Variants in CHD5 observed in about 807,000 individuals in gnomAD.
CHD5 encodes the protein chromodomain helicase DNA binding protein 5, also known as ATP-dependent chromatin remodeler CHD5.
A neutral mutation model predicts 230.3 loss-of-function variants in CHD5; 69 were observed. The observed-to-expected ratio is 0.30, with a 90% CI of 0.25 to 0.37. The LOEUF (loss-of-function observed/expected upper bound fraction) is 0.37, where lower values mean the gene tolerates loss of function less well. Ranked by LOEUF, CHD5 falls within the 10% of genes least tolerant of loss-of-function variation. CHD5 has a pLI of 1.00. For synonymous variants in CHD5, 1,064 were observed against 1,065.9 expected (o/e 1.00, Z 0.03); for missense variants, 1,827 against 2,622.8 (o/e 0.70, Z 6.63).
chr1:6,120,999 T>C lies in CHD5; in HGVS notation c.4912+106A>G, dbSNP rs962294128. On this transcript the variant is annotated intron_variant, in intron 33 of 41. Coordinates refer to ENST00000262450, the MANE Select transcript of CHD5 (RefSeq NM_015557.3). ...TGCAGAGGGTTGGAGTCTACCTCTC[T>C]GCCAGGGAGAAATGAGCGGAAGTAC... 4 of 1,327,546 alleles carry C rather than the reference T, an allele frequency of 3.0e-6. No individual in the cohort carries two copies. The African/African-American group carries it at 4.5e-5, about 15-fold the overall frequency. 82.2% of individuals were successfully genotyped at this position (1,327,546 alleles called of 1,614,324 possible).
intron 1 of CHD5, among the ~76,000 whole-genome samples, chr1:6,172,163 C>G (rs532551997): frequency 1.3e-5 from 2 of 152,184 alleles, no homozygotes; most frequent in Admixed American, 6.5e-5. Context: ...GCGGCCAGGC[C>G]GATGAGGTGG....
intron 1 of CHD5, among the ~76,000 whole-genome samples, chr1:6,173,845 G>A (rs902226759): frequency 6.6e-6 from 1 of 152,192 alleles, no homozygotes; most frequent in African/African-American, 2.4e-5. Flanking sequence ...CCCCCCATGA[G>A]ACAGGGCTTA....
rs1372580447 is a variant in CHD5 at position 6,125,059 on chromosome 1, G to A, written c.4394+41C>T. The A allele has an allele frequency of 1.3e-6, 2 of 1,513,342 alleles. No homozygotes were observed. The highest frequency in any genetic ancestry group is 2.1e-5 in the Admixed American group (1 of 47,768). The allele number at this position is 1,513,342 out of a possible 1,614,324, so 93.7% of individuals were successfully genotyped here. On this transcript the variant is annotated intron_variant, in intron 29 of 41. Transcript: ENST00000262450. This position sits in a 1 kb window ranked among gnomAD's most constrained non-coding sequence, Gnocchi z 6.7. ...CCCGCAGGACCCTGCCCTACTCAGG[G>A]GCAGGTGGTCACACCCTGGGCCACC...
chr1:6,119,866 T>TATA (rs1557540359), intron 33 of CHD5, among the ~76,000 whole-genome samples: 2 of 84,296 alleles, frequency 2.4e-5, no homozygotes, highest in Non-Finnish European at 4.7e-5. Context: ...ATATATATAT[T>TATA]TTTTTTTTTT....
intron 38 of CHD5, 61 bp from the exon 39 acceptor site, chr1:6,106,840 G>GTGGAAGGATGGAGGGA: frequency 8.3e-7 from 1 of 1,200,784 alleles, no homozygotes; most frequent in East Asian, 3.5e-5. Flanking sequence ...GGATGGAGGA[G>GTGGAAGGATGGAGGGA]TGGAAGGATG....
chr1:6,115,056 T>TA, intron 33 of CHD5, among the ~76,000 whole-genome samples: 1 of 151,218 alleles, frequency 6.6e-6, no homozygotes, highest in Middle Eastern at 3.5e-3. Flanking sequence ...CTCACGCCTG[T>TA]AATCCCAGCA....
rs1666600976 is a variant in CHD5, at chr1:6,128,546, C to T, written c.3683G>A (p.Gly1228Glu). 2 of 1,614,062 alleles carry T rather than the reference C, an allele frequency of 1.2e-6. No individual in the cohort carries two copies. Among genetic ancestry groups the T allele is most frequent in the Non-Finnish European group, 1.7e-6 (2 of 1,180,038 alleles). Residue 1228 changes from glycine (G) to glutamate (E), a missense_variant, in exon 24 of 42, where the codon GGG becomes GAG. By Grantham distance (98) the Gly-to-Glu change is moderately conservative. Around this residue, in one of 14 missense-constraint regions of CHD5, gnomAD observed 25 missense variants for 20.3 expected, o/e 1.23. Transcript: ENST00000262450. The surrounding 1 kb of genome is among the most constrained non-coding windows in gnomAD (Gnocchi z 7.8). ...PIPDVQSSKGGNLAASAKKKH... is the reference protein window; with the variant it reads ...PIPDVQSSKGENLAASAKKKH... ...CTTCTTTGCACTGGCGGCCAAGTTC[C>T]CCCCTTTGGAGGACTGGACATCAGG...
At chr1:6,145,958 C>A (rs894736089) in intron 11 of CHD5, among the ~76,000 whole-genome samples, 5 of 152,188 alleles carry the variant, frequency 3.3e-5, no homozygotes, top group Non-Finnish European at 7.4e-5. Context: ...AGGGTCCCGA[C>A]GCCCCAGGGG....
At position 6,112,979 on chromosome 1, in the gene CHD5, C is replaced by T. The variant is rs1280808963; in HGVS notation, c.4932G>A (p.Lys1644=). The T allele has an allele frequency of 1.2e-6, 2 of 1,613,638 alleles. No homozygotes were observed. Among genetic ancestry groups the T allele is most frequent in the Admixed American group, 3.3e-5 (2 of 60,000 alleles). Residue 1644 remains lysine, a synonymous_variant, in exon 34 of 42, where the codon AAG becomes AAA. Transcript: ENST00000262450. The stretch of plus-strand genomic sequence containing the variant: ...GCTCCAGCTTGTCCAGGATCTTCTC[C>T]TTCTCAGGAAGCACCTCCTCTGCAA... ...QLPREEVLPE[K]EKILDKLELS...
chr1:6,106,115 A>G (rs1282752339), intron 41 of CHD5, 119 bp downstream of exon 41: 1 of 939,174 alleles, frequency 1.1e-6, no homozygotes, highest in African/African-American at 1.7e-5. Flanking sequence ...CGCCGGAGGC[A>G]GTAAAAGCTC....
chr1:6,125,028 G>C lies in CHD5; in HGVS notation c.4394+72C>G, dbSNP rs1666532162. 1 of 1,407,690 alleles carries C rather than the reference G, an allele frequency of 7.1e-7. No individual in the cohort carries two copies. Among genetic ancestry groups the C allele is most frequent in the African/African-American group, 1.4e-5 (1 of 69,180 alleles). 87.2% of individuals were successfully genotyped at this position (1,407,690 alleles called of 1,614,324 possible). A position where few individuals can be genotyped will look rare whatever the true frequency, so the allele number is the denominator to read the frequency against. ...CGGAAGCAAATGCTGCCCTCTGTGG[G>C]GCTCACCCGCAGGACCCTGCCCTAC... On this transcript the variant is annotated intron_variant, in intron 29 of 41. Transcript: ENST00000262450. This position sits in a 1 kb window ranked among gnomAD's most constrained non-coding sequence, Gnocchi z 6.7.
Position 6,179,993 on chromosome 1 carries a change from G to T in CHD5, c.31C>A (p.Leu11Met). MRGPVGTEEE[L>M]PRLFAEEMEN... ...ATCTCCTCGGCGAACAGCCGCGGCA[G>T]CTCCTCCTCGGTGCCCACTGGGCCC... Residue 11 changes from leucine (L) to methionine (M), a missense_variant, in exon 1 of 42, where the codon CTG becomes ATG. Physicochemically the swap from Leu to Met is conservative, Grantham distance 15. Coordinates refer to ENST00000262450, the MANE Select transcript of CHD5 (RefSeq NM_015557.3). 7.2e-7 allele frequency: 1 copy of T among 1,389,060 alleles called. No individual in the cohort carries two copies. The highest frequency in any genetic ancestry group is 9.4e-7 in the Non-Finnish European group (1 of 1,059,736). The allele number at this position is 1,389,060 out of a possible 1,614,324, so 86.0% of individuals were successfully genotyped here.
chr1:6,107,210 GA>G, intron 38 of CHD5, among the ~76,000 whole-genome samples: 1 of 144,184 alleles, frequency 6.9e-6, no homozygotes. Context: ...ATGGAGGGAT[GA>G]TGGAGGGATG....
Position 6,155,858 on chromosome 1 carries a change from C to A in CHD5, c.388-141G>T. 1 of 643,858 alleles carries A rather than the reference C, an allele frequency of 1.6e-6. No individual in the cohort carries two copies. The allele number at this position is 643,858 out of a possible 1,614,324, so 39.9% of individuals were successfully genotyped here. ...TGCAATGTAACCAGACCATTCTCAC[C>A]CACCCTAGGAAACATTCAAGCCCTG... On this transcript the variant is annotated intron_variant, in intron 3 of 41. Transcript: ENST00000262450. The surrounding 1 kb of genome is among the most constrained non-coding windows in gnomAD (Gnocchi z 4.0).
At position 6,121,522 on chromosome 1, in the gene CHD5, T is replaced by C. The variant is rs773935601; in HGVS notation, c.4751A>G (p.Gln1584Arg). Residue 1584 changes from glutamine (Q) to arginine (R), a missense_variant, in exon 32 of 42, where the codon CAG becomes CGG. This residue lies in a region of CHD5 where 272 missense variants were observed against 263.2 expected (regional missense o/e 1.03). Coordinates refer to ENST00000262450, the MANE Select transcript of CHD5 (RefSeq NM_015557.3). This position sits in a 1 kb window ranked among gnomAD's most constrained non-coding sequence, Gnocchi z 4.5. ...GACTTCCAGGGGCTGCCTTGGCTTC[T>C]GTGCCCCGGGGTCTTTCTCATCCAT... Reference protein sequence around the residue: ...GYMDEKDPGAQKPRQPLEVQA... With the variant: ...GYMDEKDPGARKPRQPLEVQA... The C allele has an allele frequency of 2.5e-6, 4 of 1,612,984 alleles. No individual in the cohort carries two copies. In the Admixed American group the frequency reaches 6.7e-5, roughly 27 times the overall value.
chr1:6,150,988 C>A (rs780655013), intron 7 of CHD5, 44 bp downstream of exon 7: 1 of 1,472,852 alleles, frequency 6.8e-7, no homozygotes, highest in East Asian at 2.5e-5. Context: ...TGCCCCACTA[C>A]ATCCACCCAG....
Position 6,126,997 on chromosome 1 carries a change from A to G in CHD5, c.3904-251T>C. ...AGCAAGTATTTCCTCGCCTCCTGTC[A>G]AGCACTGAGGTACTGAGTTGAATAA... is the stretch of plus-strand genomic sequence containing the variant. On this transcript the variant is annotated intron_variant, in intron 25 of 41. Transcript: ENST00000262450. The surrounding 1 kb of genome is among the most constrained non-coding windows in gnomAD (Gnocchi z 5.7). 1 of 544,020 alleles carries G rather than the reference A, an allele frequency of 1.8e-6. No homozygotes were observed. The highest frequency in any genetic ancestry group is 3.3e-6 in the Non-Finnish European group (1 of 301,876). 33.7% of individuals were successfully genotyped at this position (544,020 alleles called of 1,614,324 possible). A position where few individuals can be genotyped will look rare whatever the true frequency, so the allele number is the denominator to read the frequency against.
At chr1:6,133,310 C>A (rs1190372441) in intron 20 of CHD5, among the ~76,000 whole-genome samples, 2 of 152,232 alleles carry the variant, frequency 1.3e-5, no homozygotes, top group Non-Finnish European at 2.9e-5. Flanking sequence ...CACTCCAGCC[C>A]ACTCCTTGGC....
At position 6,149,345 on chromosome 1, in the gene CHD5, C is replaced by T; in HGVS notation, c.1062G>A (p.Glu354=). The change falls in exon 8 of 42, where the codon GAG becomes GAA. Residue 354 remains glutamate, a synonymous_variant. Transcript: ENST00000262450. ...DYCEVCQQGG[E]IILCDTCPRA... ...TCGGGCAGGTGTCGCACAGGATGAT[C>T]TCCCCACCCTGCTGGCACACCTCAC... The T allele has an allele frequency of 1.9e-6, 3 of 1,613,384 alleles. No homozygotes were observed. The highest frequency in any genetic ancestry group is 1.3e-5 in the African/African-American group (1 of 74,826).
Sources: gnomAD v4.1 joint callset for allele counts (sites outside exome capture counted in the v4.1 genomes callset) on GRCh38, gnomAD v4.1.1 for gene constraint, gnomAD v4.1.1 regional missense constraint, Gnocchi (gnomAD v3.1) non-coding constraint, MANE v1.5 for transcripts, NCBI Gene and HGNC (gene_info 2026-07-23, HGNC 2026-07-21) for gene names.